The following GNAS-AS1 variants were observed in gnomAD, a reference collection of about 807,000 sequenced individuals.
The protein encoded by GNAS-AS1 is GNAS antisense RNA 1, also known as GNAS antisense RNA 1 (non-protein coding).
At chr20:58,828,882 C>T (rs1320427476) in intron 4 of GNAS-AS1, among the ~76,000 whole-genome samples, 6 of 140,920 alleles carry the variant, frequency 4.3e-5, no homozygotes, top group Admixed American at 7.0e-5. Flanking sequence ...GGCAGAGCTC[C>T]TGGCCCCACC....
At chr20:58,830,277 G>A (rs1193282563) in intron 4 of GNAS-AS1, among the ~76,000 whole-genome samples, 48 of 60,310 alleles carry the variant, frequency 8.0e-4, no homozygotes, top group East Asian at 3.2e-3. Flanking sequence ...CACCACCACC[G>A]CCACACCACC....
intron 4 of GNAS-AS1, among the ~76,000 whole-genome samples, chr20:58,821,111 C>T (rs765204833): frequency 6.6e-6 from 1 of 152,226 alleles, no homozygotes; most frequent in African/African-American, 2.4e-5. Flanking sequence ...GCAATCAGAC[C>T]CCAGTGCCAT....
In GNAS-AS1 at chr20:58,840,701, A is replaced by G. The variant is rs1343387357; in HGVS notation, n.819+1236T>C. 1.2e-6 allele frequency: 2 copies of G among 1,604,214 alleles called. No individual in the cohort carries two copies. Among genetic ancestry groups the G allele is most frequent in the South Asian group, 1.1e-5 (1 of 91,016 alleles). On this transcript the variant is annotated intron_variant and non_coding_transcript_variant, in intron 4 of 4. Transcript: ENST00000424094. The surrounding 1 kb of genome is among the most constrained non-coding windows in gnomAD (Gnocchi z 6.0). ...AGGGGAGGAGCTCAAGCCCGAGGAC[A>G]AAGATCCAAGGGACCCCGAAGAGTC...
At chr20:58,831,470 A>G (rs1423760211) in intron 4 of GNAS-AS1, among the ~76,000 whole-genome samples, 4 of 152,182 alleles carry the variant, frequency 2.6e-5, no homozygotes, top group Non-Finnish European at 5.9e-5. Context: ...AGATCAGGAG[A>G]TGGAGACCAT....
intron 4 of GNAS-AS1, among the ~76,000 whole-genome samples, chr20:58,833,314 T>C (rs1040705092): frequency 1.3e-5 from 2 of 152,142 alleles, no homozygotes; most frequent in African/African-American, 4.8e-5. Flanking sequence ...TCTAGACCAG[T>C]AAAGGGAAGG....
At chr20:58,829,576 C>T (rs79964436) in intron 4 of GNAS-AS1, among the ~76,000 whole-genome samples, 2 of 152,342 alleles carry the variant, frequency 1.3e-5, no homozygotes, top group East Asian at 1.9e-4. Context: ...AGCTTCTTTC[C>T]GCCAGAGAGC....
chr20:58,845,030 T>C (rs2085893401), intron 2 of GNAS-AS1, among the ~76,000 whole-genome samples: 1 of 108,654 alleles, frequency 9.2e-6, no homozygotes, highest in Admixed American at 9.5e-5. Flanking sequence ...TTAGTGTGTG[T>C]TTTACGTGTG....
chr20:58,827,924 T>C (rs2085531227), intron 4 of GNAS-AS1, among the ~76,000 whole-genome samples: 1 of 152,264 alleles, frequency 6.6e-6, no homozygotes, highest in Non-Finnish European at 1.5e-5. Context: ...ATGTAATTCA[T>C]ATAATTGCAT....
rs916620440 is a variant in GNAS-AS1, at chr20:58,850,800, C to T, written n.104G>A. 7.5e-6 allele frequency: 3 copies of T among 398,858 alleles called. No individual in the cohort carries two copies. The East Asian group carries it at 1.1e-4, about 14-fold the overall frequency. 24.7% of individuals were successfully genotyped at this position (398,858 alleles called of 1,614,324 possible). A position where few individuals can be genotyped will look rare whatever the true frequency, so the allele number is the denominator to read the frequency against. ...AGGAAGAGTGACCCCACGGCGCTAG[C>T]GGTCCTCGTGGTCTTCCAGGCCTAG... On this transcript the variant is annotated non_coding_transcript_exon_variant, in exon 1 of 5. Coordinates refer to ENST00000424094, the Ensembl canonical transcript of GNAS-AS1.
chr20:58,845,315 C>A (rs1183457348), intron 2 of GNAS-AS1, among the ~76,000 whole-genome samples: 1 of 152,102 alleles, frequency 6.6e-6, no homozygotes, highest in African/African-American at 2.4e-5. Context: ...GTTTTCTCAA[C>A]CTTTGTTTTT....
chr20:58,842,471 A>C (rs1260720548), exon 3 of GNAS-AS1: 2 of 398,652 alleles, frequency 5.0e-6, no homozygotes, highest in East Asian at 7.1e-5. Flanking sequence ...TCCGTAGGAA[A>C]GGCGTCGCGG....
intron 4 of GNAS-AS1, chr20:58,827,079 C>T (rs2145453460): frequency 6.6e-6 from 1 of 152,170 alleles, no homozygotes; most frequent in Non-Finnish European, 1.5e-5. Flanking sequence ...GACACAGAAC[C>T]TGGGATACAC....
intron 4 of GNAS-AS1, among the ~76,000 whole-genome samples, chr20:58,828,012 T>C (rs2085531888): frequency 6.6e-6 from 1 of 152,242 alleles, no homozygotes; most frequent in African/African-American, 2.4e-5. Flanking sequence ...TGTAGACATC[T>C]TGAAAAAGGA....
Position 58,841,813 on chromosome 20 carries a change from G to C in GNAS-AS1, n.819+124C>G. 5 of 1,230,928 alleles carry C rather than the reference G, an allele frequency of 4.1e-6. No homozygotes were observed. The highest frequency in any genetic ancestry group is 5.1e-6 in the Non-Finnish European group (5 of 987,976). 76.3% of individuals were successfully genotyped at this position (1,230,928 alleles called of 1,614,324 possible). On this transcript the variant is annotated intron_variant and non_coding_transcript_variant, in intron 4 of 4. Coordinates refer to ENST00000424094, the Ensembl canonical transcript of GNAS-AS1. The surrounding 1 kb of genome is among the most constrained non-coding windows in gnomAD (Gnocchi z 5.0). ...GGCCAGGCTGCATGCGGCTTAGCAGGAGACGTCCTGGGCTGTTTGCGCAGG... is the reference window on the plus strand; with the variant it reads ...GGCCAGGCTGCATGCGGCTTAGCAGCAGACGTCCTGGGCTGTTTGCGCAGG...
chr20:58,823,727 G>A (rs1383055137), intron 4 of GNAS-AS1, among the ~76,000 whole-genome samples: 1 of 152,254 alleles, frequency 6.6e-6, no homozygotes, highest in Admixed American at 6.5e-5. Flanking sequence ...ACTGTCTGCT[G>A]AAAATGTCCA....
intron 4 of GNAS-AS1, among the ~76,000 whole-genome samples, chr20:58,836,914 C>T (rs1197832665): frequency 6.6e-6 from 1 of 152,004 alleles, no homozygotes; most frequent in South Asian, 2.1e-4. Flanking sequence ...GCAAAGAAAG[C>T]GCATTGCTAA....
At chr20:58,830,465 C>T (rs200746817) in intron 4 of GNAS-AS1, among the ~76,000 whole-genome samples, 3 of 121,864 alleles carry the variant, frequency 2.5e-5, no homozygotes, top group Non-Finnish European at 5.3e-5. Context: ...TCACCACCAC[C>T]ACACCACCAT....
intron 4 of GNAS-AS1, among the ~76,000 whole-genome samples, chr20:58,823,018 C>T (rs1369831078): frequency 1.3e-5 from 2 of 152,142 alleles, no homozygotes; most frequent in Non-Finnish European, 2.9e-5. Flanking sequence ...ACTGTTTCCT[C>T]ATATGATCCT....
At chr20:58,848,740 C>CCCAGCTCTTA in intron 2 of GNAS-AS1, 1 of 394,504 alleles carries the variant, frequency 2.5e-6, no homozygotes, top group Non-Finnish European at 4.5e-6. Flanking sequence ...GCCGATCACC[C>CCCAGCTCTTA]CCAGCTCTTA....
Sources: allele counts gnomAD v4.1 joint callset (sites outside exome capture counted in the v4.1 genomes callset), GRCh38; gene constraint gnomAD v4.1.1; non-coding constraint Gnocchi (gnomAD v3.1); transcripts MANE v1.5; gene names NCBI Gene and HGNC (gene_info 2026-07-23, HGNC 2026-07-21).